LRMDA: variants seen among roughly 807,000 people sequenced by gnomAD.
The protein encoded by LRMDA is leucine-rich melanocyte differentiation-associated protein.
In LRMDA, 18 loss-of-function variants were observed where a neutral mutation model predicts 29.8. The observed-to-expected ratio is 0.60, with a 90% CI of 0.42 to 0.90. The LOEUF is 0.90. Among genes scored for constraint, LRMDA ranks in the 40% least tolerant of loss-of-function variants. The pLI, the probability that LRMDA is intolerant of heterozygous loss-of-function variation, is 0.00. For synonymous variants in LRMDA, 125 were observed against 109.4 expected, an observed-to-expected ratio of 1.14 and a Z score of -0.89; for missense variants, 273 against 273.9, an observed-to-expected ratio of 1.00 and a Z score of 0.02.
At chr10:76,127,999 C>T (rs2132132419) in intron 5 of LRMDA, among the ~76,000 whole-genome samples, 1 of 152,298 alleles carries the variant, frequency 6.6e-6, no homozygotes, top group East Asian at 1.9e-4. Context: ...ACTACTGGTT[C>T]AGATCACAGT....
intron 6 of LRMDA, among the ~76,000 whole-genome samples, chr10:76,373,470 T>G (rs557875888): frequency 1.3e-5 from 2 of 152,164 alleles, no homozygotes; most frequent in Admixed American, 1.3e-4. Context: ...TGTAGTATCC[T>G]GGTATTCTGT....
intron 2 of LRMDA, among the ~76,000 whole-genome samples, chr10:75,594,277 G>A (rs561038512): frequency 1.1e-4 from 17 of 152,196 alleles, no homozygotes; most frequent in Non-Finnish European, 2.4e-4. Flanking sequence ...TCAGTGAACG[G>A]TAGTTGGTGC....
chr10:75,670,910 C>T (rs1166260352), intron 2 of LRMDA, among the ~76,000 whole-genome samples: 1 of 152,114 alleles, frequency 6.6e-6, no homozygotes, highest in Non-Finnish European at 1.5e-5. Context: ...TGCTTCCCTT[C>T]TGACCAGCAA....
intron 2 of LRMDA, among the ~76,000 whole-genome samples, chr10:75,619,259 G>A (rs552220865): frequency 6.6e-6 from 1 of 152,242 alleles, no homozygotes; most frequent in East Asian, 1.9e-4. Flanking sequence ...GACCCATGAA[G>A]TTGAAACCCA....
At chr10:75,783,154 T>G (rs879532390) in intron 2 of LRMDA, 31 of 1,169,226 alleles carry the variant, frequency 2.7e-5, no homozygotes, top group Non-Finnish European at 3.6e-5. Flanking sequence ...TAAATCATTT[T>G]CTTTTAACAT....
chr10:75,433,550 G>A (rs1448296009), intron 1 of LRMDA, among the ~76,000 whole-genome samples: 1 of 151,896 alleles, frequency 6.6e-6, no homozygotes. Flanking sequence ...TTTTTTGTTT[G>A]TTTGTTTGTT....
chr10:75,868,700 G>T (rs1365023075), intron 2 of LRMDA, among the ~76,000 whole-genome samples: 1 of 152,140 alleles, frequency 6.6e-6, no homozygotes, highest in East Asian at 1.9e-4. Context: ...ATTTCTCCCA[G>T]TGTGTCCAGA....
At chr10:76,335,582 A>G (rs563077920) in intron 6 of LRMDA, among the ~76,000 whole-genome samples, 5 of 152,312 alleles carry the variant, frequency 3.3e-5, no homozygotes, top group African/African-American at 9.6e-5. Flanking sequence ...ATGGTTTTAT[A>G]CATTTTAGGA....
intron 2 of LRMDA, among the ~76,000 whole-genome samples, chr10:75,995,543 C>T (rs1678403891): frequency 6.6e-6 from 1 of 152,210 alleles, no homozygotes; most frequent in South Asian, 2.1e-4. Context: ...ACCAAGTCAA[C>T]AGTTTTCCTC....
intron 2 of LRMDA, among the ~76,000 whole-genome samples, chr10:75,851,506 G>T (rs1844732823): frequency 6.6e-6 from 1 of 152,148 alleles, no homozygotes; most frequent in Non-Finnish European, 1.5e-5. Context: ...GCTTCAGCCA[G>T]CTGTTCAGTT....
intron 5 of LRMDA, among the ~76,000 whole-genome samples, chr10:76,094,690 A>G (rs1849286538): frequency 6.6e-6 from 1 of 152,212 alleles, no homozygotes; most frequent in South Asian, 2.1e-4. Context: ...GAAACTTTTA[A>G]AGGAAAGTAA....
At chr10:75,778,720 A>T (rs958667494) in intron 2 of LRMDA, among the ~76,000 whole-genome samples, 1 of 152,216 alleles carries the variant, frequency 6.6e-6, no homozygotes, top group African/African-American at 2.4e-5. Flanking sequence ...GGTTAAAGAG[A>T]TTAGTCAGTT....
intron 2 of LRMDA, among the ~76,000 whole-genome samples, chr10:75,558,603 C>G (rs1244181039): frequency 6.7e-6 from 1 of 149,958 alleles, no homozygotes; most frequent in Admixed American, 6.7e-5. Flanking sequence ...CATATGTATA[C>G]ATGTGCCGTG....
intron 2 of LRMDA, among the ~76,000 whole-genome samples, chr10:75,553,469 G>A (rs58255852): frequency 2.5e-3 from 379 of 152,294 alleles, no homozygotes; most frequent in African/African-American, 8.8e-3. Flanking sequence ...TTATTACTCA[G>A]TGTGAAGCTT....
intron 2 of LRMDA, among the ~76,000 whole-genome samples, chr10:75,834,665 A>G (rs533122230): frequency 1.3e-5 from 2 of 152,330 alleles, no homozygotes; most frequent in South Asian, 4.1e-4. Context: ...CTTTCCATGT[A>G]ACTGTAGGAC....
intron 2 of LRMDA, among the ~76,000 whole-genome samples, chr10:75,848,815 A>G (rs1394272938): frequency 1.3e-5 from 2 of 152,162 alleles, no homozygotes; most frequent in African/African-American, 4.8e-5. Flanking sequence ...CATCTGGCAC[A>G]TCCTCTTTTC....
rs1041242372 is a variant in LRMDA at position 75,895,175 on chromosome 10, T to G, written c.132-140833T>G. ...CTCAATAGTGAGTGTTTGGACTTTA[T>G]TCATTGGATGATGGGCAGCTTTTGA... is the stretch of plus-strand genomic sequence containing the variant. On this transcript the variant is annotated intron_variant, in intron 2 of 6. Transcript: ENST00000611255. Among the ~76,000 whole-genome samples, 5 of 152,186 alleles carry G rather than the reference T, an allele frequency of 3.3e-5. No homozygotes were observed. In the East Asian group the frequency reaches 9.6e-4, roughly 29 times the overall value.
At chr10:76,010,534 G>A (rs1295104855) in intron 2 of LRMDA, among the ~76,000 whole-genome samples, 1 of 152,034 alleles carries the variant, frequency 6.6e-6, no homozygotes, top group African/African-American at 2.4e-5. Context: ...GGATGGTCTC[G>A]ATCTCCTGAC....
intron 2 of LRMDA, among the ~76,000 whole-genome samples, chr10:75,625,210 A>C (rs1252457101): frequency 2.6e-5 from 4 of 152,174 alleles, no homozygotes; most frequent in African/African-American, 9.7e-5. Context: ...TGGTGTGTTG[A>C]GTGGTTGCTG....
Sources: allele counts gnomAD v4.1 joint callset (sites outside exome capture counted in the v4.1 genomes callset), GRCh38; gene constraint gnomAD v4.1.1; transcripts MANE v1.5; gene names NCBI Gene and HGNC (gene_info 2026-07-23, HGNC 2026-07-21).